TXNL1: variants seen among roughly 807,000 people sequenced by gnomAD.
The protein encoded by TXNL1 is thioredoxin-like protein 1.
Under a neutral mutation model 35.5 loss-of-function variants are expected in TXNL1, and 14 were observed. That is an observed-to-expected ratio of 0.39 (90% CI 0.26 to 0.62). The LOEUF is 0.62. Ranked by LOEUF, TXNL1 falls within the 20% of genes least tolerant of loss-of-function variation. TXNL1 has a pLI of 0.47. For synonymous variants in TXNL1, 110 were observed against 115.5 expected (o/e 0.95, Z 0.31); for missense variants, 263 against 349.7 (o/e 0.75, Z 1.98).
intron 1 of TXNL1, among the ~76,000 whole-genome samples, chr18:56,631,385 T>C (rs750059441): frequency 7.9e-5 from 12 of 152,192 alleles, no homozygotes; most frequent in Admixed American, 2.0e-4. Flanking sequence ...TGCACACACC[T>C]TGATTAGCTG....
At chr18:56,612,290 T>A (rs1359218664) in intron 6 of TXNL1, among the ~76,000 whole-genome samples, 1 of 152,086 alleles carries the variant, frequency 6.6e-6, no homozygotes, top group Non-Finnish European at 1.5e-5. Flanking sequence ...AAAGTGATAT[T>A]CTTTCTGATA....
intron 1 of TXNL1, among the ~76,000 whole-genome samples, chr18:56,633,747 A>G (rs933963631): frequency 2.0e-5 from 3 of 151,864 alleles, no homozygotes; most frequent in Admixed American, 2.0e-4. Flanking sequence ...GCACTTTGAG[A>G]GGCCGAGGCG....
At chr18:56,619,175 T>C (rs1292973449) in intron 3 of TXNL1, among the ~76,000 whole-genome samples, 3 of 149,054 alleles carry the variant, frequency 2.0e-5, no homozygotes, top group Non-Finnish European at 3.0e-5. Context: ...AATTGCGCCA[T>C]TGTACTCCAG....
At chr18:56,616,116 CACA>C in intron 5 of TXNL1, 126 bp downstream of exon 5, 1 of 758,662 alleles carries the variant, frequency 1.3e-6, no homozygotes, top group Non-Finnish European at 2.0e-6. Flanking sequence ...TGGGCAATAG[CACA>C]AGACTCTGTC....
At chr18:56,623,436 A>AG (rs1304396638) in intron 3 of TXNL1, among the ~76,000 whole-genome samples, 1 of 152,104 alleles carries the variant, frequency 6.6e-6, no homozygotes, top group Non-Finnish European at 1.5e-5. Flanking sequence ...AAAAAAAAAA[A>AG]AAAAAAAGAT....
intron 1 of TXNL1, among the ~76,000 whole-genome samples, chr18:56,632,977 T>TC: frequency 6.6e-6 from 1 of 152,206 alleles, no homozygotes. Flanking sequence ...AACATATGTT[T>TC]AATATACAAT....
chr18:56,638,305 G>T, intron 1 of TXNL1, 38 bp downstream of exon 1: 1 of 1,573,394 alleles, frequency 6.4e-7, no homozygotes, highest in Non-Finnish European at 8.7e-7. Flanking sequence ...AGCAAGGAAG[G>T]ACAGACGGGG....
chr18:56,627,525 A>G (rs1042807210), intron 1 of TXNL1, among the ~76,000 whole-genome samples: 12 of 152,206 alleles, frequency 7.9e-5, no homozygotes, highest in Non-Finnish European at 1.2e-4. Context: ...GTACTTGTAC[A>G]AGAATAAGCA....
intron 6 of TXNL1, among the ~76,000 whole-genome samples, chr18:56,612,455 T>C (rs932191692): frequency 7.9e-5 from 12 of 152,170 alleles, no homozygotes; most frequent in African/African-American, 2.2e-4. Context: ...GTTTTACTCA[T>C]TGATCCTTTG....
intron 4 of TXNL1, 41 bp from the exon 5 acceptor site, chr18:56,616,355 C>T (rs766646343): frequency 6.5e-7 from 1 of 1,534,280 alleles, no homozygotes; most frequent in Admixed American, 1.8e-5. Flanking sequence ...CTCTTGTACA[C>T]ACCTTGAGTA....
intron 6 of TXNL1, 40 bp from the exon 7 acceptor site, chr18:56,611,137 T>C (rs1459297253): frequency 1.2e-5 from 15 of 1,253,622 alleles, no homozygotes; most frequent in Non-Finnish European, 1.7e-5. Flanking sequence ...ACAATCCTTC[T>C]TCACAAACAT....
chr18:56,616,556 A>G lies in TXNL1; in HGVS notation c.493-242T>C, dbSNP rs75960292. Among the ~76,000 whole-genome samples the G allele has an allele frequency of 2.8e-3, 423 of 152,328 alleles. 6 individuals are homozygous for G. In the East Asian group the frequency reaches 0.037, roughly 13 times the overall value. ...AAAAAATTAATCAAGTAAATACTAA[A>G]ACTATGCATAGGAATGTAAGGTCTT... On this transcript the variant is annotated intron_variant, in intron 4 of 7. Coordinates refer to ENST00000217515, the MANE Select transcript of TXNL1 (RefSeq NM_004786.3).
intron 1 of TXNL1, among the ~76,000 whole-genome samples, chr18:56,635,801 A>G (rs1183850363): frequency 6.6e-6 from 1 of 152,218 alleles, no homozygotes; most frequent in African/African-American, 2.4e-5. Flanking sequence ...CCAGCAAGAC[A>G]CTAAATCACA....
At chr18:56,603,921 T>C (rs957611338) in intron 7 of TXNL1, among the ~76,000 whole-genome samples, 3 of 152,186 alleles carry the variant, frequency 2.0e-5, no homozygotes, top group African/African-American at 7.2e-5. Flanking sequence ...AATTTTCGTA[T>C]TTTACATTGA....
At chr18:56,638,301 G>C in intron 1 of TXNL1, 42 bp downstream of exon 1, 1 of 1,566,246 alleles carries the variant, frequency 6.4e-7, no homozygotes, top group East Asian at 2.3e-5. Flanking sequence ...GGAAAGCAAG[G>C]AAGGACAGAC....
rs145097903 is a variant in TXNL1, at chr18:56,616,312, C to G, written c.495G>C (p.Leu165=). 432 of 1,613,190 alleles carry G rather than the reference C, an allele frequency of 2.7e-4. 2 individuals are homozygous for G. The African/African-American group carries it at 5.2e-3, about 19-fold the overall frequency. Residue 165 remains leucine (L), a splice_region_variant and synonymous_variant, in exon 5 of 8, where the codon CTG becomes CTC. Coordinates refer to ENST00000217515, the MANE Select transcript of TXNL1 (RefSeq NM_004786.3). The part of the protein sequence containing the change: ...TFLESDCDEQ[L]LITVAFNQPV... The stretch of plus-strand genomic sequence containing the variant: ...GTTGATTGAATGCCACAGTAATAAG[C>G]AGCTGTGAAGATAAGAGTTTCATTT...
intron 7 of TXNL1, among the ~76,000 whole-genome samples, chr18:56,606,420 C>G (rs1374153175): frequency 6.6e-6 from 1 of 152,152 alleles, no homozygotes; most frequent in East Asian, 1.9e-4. Flanking sequence ...TATGTATATA[C>G]TAATTCAGAC....
intron 2 of TXNL1, among the ~76,000 whole-genome samples, chr18:56,625,746 A>G (rs946252022): frequency 1.1e-4 from 16 of 152,226 alleles, no homozygotes; most frequent in African/African-American, 3.6e-4. Flanking sequence ...CTGCAGAGCT[A>G]TAGAGTTGTT....
chr18:56,630,893 CTTTTTTT>C (rs754654645), intron 1 of TXNL1, among the ~76,000 whole-genome samples: 14 of 142,742 alleles, frequency 9.8e-5, no homozygotes, highest in Non-Finnish European at 1.6e-4. Flanking sequence ...TTTCTTTTTT[CTTTTTTT>C]TTTTAGGGTT....
Sources: allele counts gnomAD v4.1 joint callset (sites outside exome capture counted in the v4.1 genomes callset), GRCh38; gene constraint gnomAD v4.1.1; transcripts MANE v1.5; gene names NCBI Gene and HGNC (gene_info 2026-07-23, HGNC 2026-07-21).